DYNC1LI1: variants seen among roughly 807,000 people sequenced by gnomAD.
DYNC1LI1 encodes cytoplasmic dynein 1 light intermediate chain 1.
In DYNC1LI1, 19 loss-of-function variants were observed where a neutral mutation model predicts 63.8. The observed-to-expected ratio is 0.30, with a 90% confidence interval of 0.21 to 0.44. DYNC1LI1 has a LOEUF of 0.44. Among genes scored for constraint, DYNC1LI1 ranks in the 20% least tolerant of loss-of-function variants. DYNC1LI1 has a pLI of 1.00. For synonymous variants in DYNC1LI1, 225 were observed against 232.3 expected, an observed-to-expected ratio of 0.97 and a Z score of 0.28; for missense variants, 565 against 630.2, an observed-to-expected ratio of 0.90 and a Z score of 1.11.
intron 4 of DYNC1LI1, among the ~76,000 whole-genome samples, chr3:32,543,745 A>G (rs1036703298): frequency 6.6e-6 from 1 of 151,140 alleles, no homozygotes; most frequent in African/African-American, 2.4e-5. Flanking sequence ...ATATTGGCAA[A>G]TGAAGAACTC....
intron 2 of DYNC1LI1, among the ~76,000 whole-genome samples, chr3:32,565,981 G>T (rs966793176): frequency 6.6e-6 from 1 of 152,124 alleles, no homozygotes; most frequent in African/African-American, 2.4e-5. Flanking sequence ...TAACATTTCT[G>T]TTTCTGGCCG....
chr3:32,561,012 AAAAAAAAAAAAAAAAAAAAAACAAAC>A (rs1348283598), intron 2 of DYNC1LI1, among the ~76,000 whole-genome samples: 1,123 of 111,228 alleles, frequency 0.01, 31 homozygotes, highest in African/African-American at 0.036. Flanking sequence ...CAAAAAAAAA[AAAAAAAAAAAAAAAAAAAAAACAAAC>A]AAAAAAAACA....
At chr3:32,569,499 A>C (rs1052777539) in intron 2 of DYNC1LI1, among the ~76,000 whole-genome samples, 2 of 152,222 alleles carry the variant, frequency 1.3e-5, no homozygotes, top group African/African-American at 4.8e-5. Flanking sequence ...GCCGACACCA[A>C]ATACCAAAGT....
At chr3:32,552,708 T>C (rs1423122582) in intron 2 of DYNC1LI1, among the ~76,000 whole-genome samples, 1 of 152,086 alleles carries the variant, frequency 6.6e-6, no homozygotes, top group Non-Finnish European at 1.5e-5. Flanking sequence ...GTTGTTGTTG[T>C]TGTTGTTGTT....
Position 32,542,174 on chromosome 3 carries a change from G to A in DYNC1LI1, c.569-968C>T, listed in dbSNP as rs116050510. ...TCTGTCACCCATGCTGGAGTGCAGC[G>A]GTGCAATCATGGCTCACTACAGCCC... On this transcript the variant is annotated intron_variant, in intron 4 of 12. Coordinates refer to ENST00000273130, the MANE Select transcript of DYNC1LI1 (RefSeq NM_016141.4). 6.4e-3 allele frequency among the ~76,000 whole-genome samples: 979 copies of A among 152,236 alleles called. 8 individuals are homozygous for A. The highest frequency in any genetic ancestry group is 0.022 in the African/African-American group (922 of 41,522).
chr3:32,557,517 C>T (rs1292637454), intron 2 of DYNC1LI1, among the ~76,000 whole-genome samples: 1 of 149,692 alleles, frequency 6.7e-6, no homozygotes. Flanking sequence ...AGCAAGACTC[C>T]GTCTCAAAAA....
chr3:32,566,664 G>C (rs1440406856), intron 2 of DYNC1LI1: 1 of 424,644 alleles, frequency 2.4e-6, no homozygotes, highest in East Asian at 7.9e-5. Flanking sequence ...CTTGAACCTA[G>C]GAGGTGGAGG....
intron 2 of DYNC1LI1, among the ~76,000 whole-genome samples, chr3:32,562,994 G>A (rs1698213679): frequency 6.6e-6 from 1 of 151,820 alleles, no homozygotes; most frequent in Admixed American, 6.6e-5. Context: ...CACCTCATCC[G>A]CAAAATATTT....
At chr3:32,545,550 A>C (rs1678990533) in intron 3 of DYNC1LI1, 2 of 369,024 alleles carry the variant, frequency 5.4e-6, no homozygotes, top group South Asian at 7.3e-5. Flanking sequence ...AGAAAGTGAA[A>C]TGGGAGTCAA....
intron 2 of DYNC1LI1, among the ~76,000 whole-genome samples, chr3:32,561,366 C>T (rs916813928): frequency 1.3e-4 from 20 of 151,932 alleles, no homozygotes; most frequent in African/African-American, 4.6e-4. Flanking sequence ...TGGTGGCTCA[C>T]ACCTGTAATC....
intron 2 of DYNC1LI1, among the ~76,000 whole-genome samples, chr3:32,549,888 A>G (rs918401293): frequency 1.3e-5 from 2 of 152,220 alleles, no homozygotes; most frequent in South Asian, 2.1e-4. Context: ...TAAAATATTA[A>G]TATTTCAACT....
chr3:32,537,084 C>T lies in DYNC1LI1; in HGVS notation c.759G>A (p.Leu253=). 1.3e-6 allele frequency: 2 copies of T among 1,580,006 alleles called. No homozygotes were observed. Among genetic ancestry groups the T allele is most frequent in the Non-Finnish European group, 1.7e-6 (2 of 1,162,728 alleles). Residue 253 remains leucine, a synonymous_variant, in exon 6 of 13, where the codon TTG becomes TTA. Transcript: ENST00000273130. ...CATCTCTGTAGTCATGTTCTTTCTC[C>T]AATACACTAATGGCATCACACTGTT... is the stretch of plus-strand genomic sequence containing the variant. ...VCTKCDAISV[L]EKEHDYRDEH...
At chr3:32,527,919 G>A (rs1697642390) in intron 12 of DYNC1LI1, among the ~76,000 whole-genome samples, 1 of 151,726 alleles carries the variant, frequency 6.6e-6, no homozygotes, top group African/African-American at 2.4e-5. Context: ...CCAGGAATTC[G>A]AGACCAGCCT....
chr3:32,529,663 A>G lies in DYNC1LI1; in HGVS notation c.1186-3T>C. ...CCTGGGACTCTTGGTGAGGCATCCTATGTAAAAATAGGAAAATACAATTAT... is the reference window on the plus strand; with the variant it reads ...CCTGGGACTCTTGGTGAGGCATCCTGTGTAAAAATAGGAAAATACAATTAT... On this transcript the variant is annotated splice_region_variant and splice_polypyrimidine_tract_variant and intron_variant, in intron 10 of 12. Transcript: ENST00000273130. 1 of 1,579,358 alleles carries G rather than the reference A, an allele frequency of 6.3e-7. No homozygotes were observed. The highest frequency in any genetic ancestry group is 8.6e-7 in the Non-Finnish European group (1 of 1,165,690).
Position 32,537,966 on chromosome 3 carries a change from ATATAT to A in DYNC1LI1, c.739-867_739-863del, listed in dbSNP as rs1559436265. 8.6e-3 allele frequency among the ~76,000 whole-genome samples: 26 copies of A among 3,032 alleles called. 1 individual carries two copies. The East Asian group carries it at 0.37, about 43-fold the overall frequency. 2.0% of individuals were successfully genotyped at this position (3,032 alleles called of 152,430 possible). On this transcript the variant is annotated intron_variant, in intron 5 of 12. Transcript: ENST00000273130. ...TATATATAATTTATATATATAATAT[ATATAT>A]ATTTATATATAATATATATATATAA... is the stretch of plus-strand genomic sequence containing the variant.
intron 5 of DYNC1LI1, among the ~76,000 whole-genome samples, chr3:32,537,876 TATATATATATAATTTATATATATA>T: frequency 3.0e-5 from 3 of 100,016 alleles, no homozygotes; most frequent in African/African-American, 4.0e-5. Flanking sequence ...TTGTTACATA[TATATATATATAATTTATATATATA>T]ATATATATAT....
chr3:32,529,320 T>A (rs1263909728), intron 11 of DYNC1LI1, among the ~76,000 whole-genome samples: 1 of 152,130 alleles, frequency 6.6e-6, no homozygotes, highest in Non-Finnish European at 1.5e-5. Context: ...GGAAATTGAT[T>A]AAATATAACA....
chr3:32,539,783 C>G (rs938722242), intron 5 of DYNC1LI1, among the ~76,000 whole-genome samples: 5 of 151,888 alleles, frequency 3.3e-5, no homozygotes. Flanking sequence ...GATCCGCCCA[C>G]CTCGACCTCC....
At chr3:32,528,871 T>A (rs1048637198) in intron 11 of DYNC1LI1, among the ~76,000 whole-genome samples, 1 of 152,164 alleles carries the variant, frequency 6.6e-6, no homozygotes, top group Non-Finnish European at 1.5e-5. Context: ...AATATATATC[T>A]CCCTTTTGAA....
Sources: allele counts gnomAD v4.1 joint callset (sites outside exome capture counted in the v4.1 genomes callset), GRCh38; gene constraint gnomAD v4.1.1; transcripts MANE v1.5; gene names NCBI Gene and HGNC (gene_info 2026-07-23, HGNC 2026-07-21).